The following TG variants were observed in gnomAD, a reference collection of about 807,000 sequenced individuals.
TG encodes thyroid hormones.
In TG, 270 loss-of-function variants were observed where a neutral mutation model predicts 324.7. That is an observed-to-expected ratio of 0.83 (90% CI 0.75 to 0.92). The LOEUF is 0.92. TG is among the 40% of genes least tolerant of loss of function. TG has a pLI of 0.00. For synonymous variants in TG, 1,401 were observed against 1,327.0 expected (o/e 1.06, Z -1.21); for missense variants, 3,591 against 3,456.4 (o/e 1.04, Z -0.98).
At chr8:133,132,033 C>G (rs780623493) in intron 46 of TG, 87 bp downstream of exon 46, 12 of 1,566,596 alleles carry the variant, frequency 7.7e-6, no homozygotes, top group Non-Finnish European at 1.1e-5. Flanking sequence ...CAATTTGCAT[C>G]GATAGACTCA....
chr8:133,060,099 C>A, intron 41 of TG: 1 of 1,593,752 alleles, frequency 6.3e-7, no homozygotes, highest in Non-Finnish European at 8.5e-7. Context: ...GCCAGACTTA[C>A]CCTCCGGGTT....
intron 26 of TG, among the ~76,000 whole-genome samples, chr8:132,947,298 T>A (rs532789618): frequency 6.6e-6 from 1 of 152,326 alleles, no homozygotes; most frequent in South Asian, 2.1e-4. Flanking sequence ...AGAAACTCTG[T>A]GGTTGATACC....
chr8:133,002,457 A>C lies in TG; in HGVS notation c.6263-9444A>C, dbSNP rs554393727. 31 of 963,498 alleles carry C rather than the reference A, an allele frequency of 3.2e-5. No homozygotes were observed. The African/African-American group carries it at 5.1e-4, about 16-fold the overall frequency. The allele number at this position is 963,498 out of a possible 1,614,324, so 59.7% of individuals were successfully genotyped here. A position where few individuals can be genotyped will look rare whatever the true frequency, so the allele number is the denominator to read the frequency against. On this transcript the variant is annotated intron_variant, in intron 35 of 47. Coordinates refer to ENST00000220616, the MANE Select transcript of TG (RefSeq NM_003235.5). ...CATCTTTCAGCAAGAAATACATTAA[A>C]TCTGAATAGCAAATACATTACACAA...
intron 47 of TG, 42 bp from the exon 48 acceptor site, chr8:133,134,634 C>G (rs1362209185): frequency 1.3e-6 from 2 of 1,560,842 alleles, no homozygotes; most frequent in South Asian, 2.2e-5. Context: ...AAGAGAAGTC[C>G]TAATCTGGCT....
At chr8:132,961,299 G>T (rs1275073953) in intron 28 of TG, among the ~76,000 whole-genome samples, 2 of 152,190 alleles carry the variant, frequency 1.3e-5, no homozygotes, top group East Asian at 3.9e-4. Flanking sequence ...GATGGATAGA[G>T]GAAGCACTAG....
At chr8:132,991,442 G>A (rs1832315370) in intron 35 of TG, among the ~76,000 whole-genome samples, 1 of 152,206 alleles carries the variant, frequency 6.6e-6, no homozygotes, top group South Asian at 2.1e-4. Context: ...GAAGGCCCAG[G>A]TGAGTGGCCA....
chr8:132,871,332 C>T lies in TG; in HGVS notation c.275-16C>T, dbSNP rs1166265558. 2.5e-6 allele frequency: 4 copies of T among 1,613,794 alleles called. No homozygotes were observed. The highest frequency in any genetic ancestry group is 3.4e-6 in the Non-Finnish European group (4 of 1,179,762). Reference sequence around the variant, plus strand: ...TTCCCTGCAGTTCTATCTAACATTGCTCCTTGTACCCACAGGTCTGTCATT... The same window carrying T: ...TTCCCTGCAGTTCTATCTAACATTGTTCCTTGTACCCACAGGTCTGTCATT... On this transcript the variant is annotated splice_polypyrimidine_tract_variant and intron_variant, in intron 3 of 47. Transcript: ENST00000220616.
At chr8:132,888,605 G>GTT (rs754731758) in intron 10 of TG, 37 bp downstream of exon 10, 2 of 1,530,624 alleles carry the variant, frequency 1.3e-6, no homozygotes, top group East Asian at 2.3e-5. Context: ...ATGTGTGTGT[G>GTT]TGTGTGTGTG....
intron 41 of TG, among the ~76,000 whole-genome samples, chr8:133,057,174 CTGTTGGT>C (rs1473198231): frequency 0.018 from 2,781 of 151,954 alleles, 97 homozygotes; most frequent in African/African-American, 0.063. Context: ...GCTGCTGCCT[CTGTTGGT>C]GCCTCTTCAG....
rs187005388 is a variant in TG, at chr8:132,937,056, T to G, written c.5041+1192T>G. 2.6e-5 allele frequency among the ~76,000 whole-genome samples: 4 copies of G among 152,336 alleles called. No individual in the cohort carries two copies. In the East Asian group the frequency reaches 7.7e-4, roughly 29 times the overall value. Reference sequence around the variant, plus strand: ...ACATGTGAAACTGTTAGGACAGGGCTGGGCTCATGGGGAAAGCTCAGCGAG... The same window carrying G: ...ACATGTGAAACTGTTAGGACAGGGCGGGGCTCATGGGGAAAGCTCAGCGAG... On this transcript the variant is annotated intron_variant, in intron 25 of 47. Transcript: ENST00000220616.
Position 132,893,875 on chromosome 8 carries a change from G to T in TG, c.2947G>T (p.Ala983Ser), listed in dbSNP as rs775142424. 1.2e-6 allele frequency: 2 copies of T among 1,614,046 alleles called. No individual in the cohort carries two copies. Among genetic ancestry groups the T allele is most frequent in the South Asian group, 1.1e-5 (1 of 91,092 alleles). ...GCTCTTCCCGCCCCGGGAGGCTTTC[G>T]CGGAGCAGTTTCTGCGTGGGAGTGA... ...PPLFPPREAF[A>S]EQFLRGSDYA... The change falls in exon 11 of 48, where the codon GCG (alanine) becomes TCG (serine). Residue 983 changes from alanine to serine, a missense_variant. Ala to Ser is a moderately conservative substitution (Grantham distance 99). Transcript: ENST00000220616.
chr8:133,071,131 G>A (rs1026522365), intron 41 of TG, among the ~76,000 whole-genome samples: 2 of 152,158 alleles, frequency 1.3e-5, no homozygotes, highest in Non-Finnish European at 1.5e-5. Context: ...CCTTGATGAG[G>A]CTTCGTGTAC....
intron 27 of TG, among the ~76,000 whole-genome samples, chr8:132,952,963 A>G (rs1366565729): frequency 6.6e-6 from 1 of 152,176 alleles, no homozygotes; most frequent in African/African-American, 2.4e-5. Context: ...TCCTATGTGC[A>G]ATTTACTGGA....
At chr8:133,052,297 G>A (rs1263198777) in intron 41 of TG, among the ~76,000 whole-genome samples, 1 of 152,240 alleles carries the variant, frequency 6.6e-6, no homozygotes. Flanking sequence ...AGTAATCACG[G>A]TGGAACAGTG....
At chr8:132,994,402 C>T (rs73357242) in intron 35 of TG, among the ~76,000 whole-genome samples, 4,071 of 152,134 alleles carry the variant, frequency 0.027, 127 homozygotes, top group African/African-American at 0.075. Flanking sequence ...GCCAAACACG[C>T]GGGGGAAATA....
intron 35 of TG, among the ~76,000 whole-genome samples, chr8:132,997,652 G>C (rs573916123): frequency 1.1e-4 from 16 of 152,264 alleles, no homozygotes; most frequent in African/African-American, 3.9e-4. Context: ...TAGTCATGAA[G>C]AGCCCTTTGA....
intron 6 of TG, 103 bp downstream of exon 6, chr8:132,882,072 G>GGCAGGGGGCAGGCAGT: frequency 1.2e-6 from 1 of 842,306 alleles, no homozygotes; most frequent in Non-Finnish European, 1.9e-6. Flanking sequence ...GTGACTGCCT[G>GGCAGGGGGCAGGCAGT]CCCCCTGCCA....
chr8:132,982,094 C>A (rs528706433), intron 34 of TG, among the ~76,000 whole-genome samples: 2 of 152,128 alleles, frequency 1.3e-5, no homozygotes, highest in Non-Finnish European at 2.9e-5. Flanking sequence ...ATGTATTGAA[C>A]GTTTACTATA....
rs187325314 is a variant in TG at position 132,975,456 on chromosome 8, T to C, written c.6199+2715T>C. Among the ~76,000 whole-genome samples the C allele has an allele frequency of 2.0e-4, 30 of 152,314 alleles. 1 individual carries two copies. Among genetic ancestry groups the C allele is most frequent in the Middle Eastern group, 3.4e-3 (1 of 294 alleles). ...TTCTTTTTCTTTTCATCTGACTGCA[T>C]AGATCATTAACTTTTTCCAGCATAT... On this transcript the variant is annotated intron_variant, in intron 34 of 47. Coordinates refer to ENST00000220616, the MANE Select transcript of TG (RefSeq NM_003235.5).
Sources: gnomAD v4.1 joint callset for allele counts (sites outside exome capture counted in the v4.1 genomes callset) on GRCh38, gnomAD v4.1.1 for gene constraint, MANE v1.5 for transcripts, NCBI Gene and HGNC (gene_info 2026-07-23, HGNC 2026-07-21) for gene names.